The following SLC7A1 variants were observed in gnomAD, a reference collection of about 807,000 sequenced individuals.
The protein encoded by SLC7A1 is high affinity cationic amino acid transporter 1.
Under a neutral mutation model 53.9 loss-of-function variants are expected in SLC7A1, and 10 were observed. The observed-to-expected ratio is 0.19, with a 90% CI of 0.11 to 0.31. The LOEUF (loss-of-function observed/expected upper bound fraction) is 0.31, where lower values mean the gene tolerates loss of function less well. Among genes scored for constraint, SLC7A1 ranks in the 10% least tolerant of loss-of-function variants. The pLI, the probability that SLC7A1 is intolerant of heterozygous loss-of-function variation, is 1.00. For synonymous variants in SLC7A1, 342 were observed against 338.7 expected (o/e 1.01, Z -0.11); for missense variants, 525 against 827.2 (o/e 0.63, Z 4.48).
In SLC7A1 at chr13:29,546,114, A is replaced by C. The variant is rs1869911305; in HGVS notation, c.-15+7647T>G. 2.6e-5 allele frequency among the ~76,000 whole-genome samples: 4 copies of C among 152,226 alleles called. No individual in the cohort carries two copies. The South Asian group carries it at 8.3e-4, about 32-fold the overall frequency. On this transcript the variant is annotated intron_variant, in intron 2 of 12. Coordinates refer to ENST00000380752, the MANE Select transcript of SLC7A1 (RefSeq NM_003045.5). The stretch of plus-strand genomic sequence containing the variant: ...TTGGGCAGCATGGAAAGAAAACATC[A>C]GTCTGCACAACCTGTGGGCAGGTCC...
At chr13:29,526,390 C>T (rs562105159) in intron 5 of SLC7A1, among the ~76,000 whole-genome samples, 4 of 152,184 alleles carry the variant, frequency 2.6e-5, no homozygotes, top group Admixed American at 1.3e-4. Context: ...GAGGATTGCT[C>T]GAGCCCAGGA....
intron 2 of SLC7A1, among the ~76,000 whole-genome samples, chr13:29,543,126 G>A (rs546136769): frequency 5.9e-5 from 9 of 152,302 alleles, no homozygotes; most frequent in East Asian, 1.9e-4. Context: ...GTGGGGTTGC[G>A]GGGGGTGCGA....
intron 2 of SLC7A1, among the ~76,000 whole-genome samples, chr13:29,541,616 A>G (rs1029403114): frequency 5.9e-5 from 9 of 152,230 alleles, no homozygotes; most frequent in Non-Finnish European, 1.0e-4. Context: ...ATTCACGTAC[A>G]ATGTATAGAA....
At position 29,514,538 on chromosome 13, in the gene SLC7A1, G is replaced by T; in HGVS notation, c.1832C>A (p.Ala611Glu). ...FGYGLWHSEE[A>E]SLDADQARTP... Reference sequence around the variant, plus strand: ...CCTTGCTTGGTCGGCATCCAGGGACGCCTCCTCGCTGTGCCACAGGCCATA... The same window carrying T: ...CCTTGCTTGGTCGGCATCCAGGGACTCCTCCTCGCTGTGCCACAGGCCATA... Residue 611 changes from alanine to glutamate, a missense_variant, in exon 13 of 13, where the codon GCG (alanine) becomes GAG (glutamate). Ala to Glu is a moderately radical substitution (Grantham distance 107). Transcript: ENST00000380752. 6.2e-7 allele frequency: 1 copy of T among 1,611,186 alleles called. No homozygotes were observed. Among genetic ancestry groups the T allele is most frequent in the Non-Finnish European group, 8.5e-7 (1 of 1,179,772 alleles).
At chr13:29,594,082 G>A (rs1164815602) in intron 1 of SLC7A1, among the ~76,000 whole-genome samples, 6 of 152,142 alleles carry the variant, frequency 3.9e-5, no homozygotes, top group Admixed American at 3.3e-4. Flanking sequence ...AATTTCCACT[G>A]AGATCAACTA....
intron 11 of SLC7A1, 129 bp downstream of exon 11, chr13:29,517,015 C>A: frequency 7.3e-6 from 6 of 819,574 alleles, no homozygotes; most frequent in Non-Finnish European, 1.1e-5. Context: ...CCCCATCTTA[C>A]CTGAAGCTGG....
chr13:29,517,204 A>G lies in SLC7A1; in HGVS notation c.1617T>C (p.Cys539=). The change falls in exon 11 of 13, where the codon TGT becomes TGC. Residue 539 remains cysteine (C), a synonymous_variant. Coordinates refer to ENST00000380752, the MANE Select transcript of SLC7A1 (RefSeq NM_003045.5). The part of the protein sequence containing the change: ...VFLLAGSALL[C]AVVTGVIWRQ... ...TCCAGATGACGCCCGTGACCACGGC[A>G]CAGAGGAGGGCAGACCCTGCGAGCA... is the stretch of plus-strand genomic sequence containing the variant. 6.2e-7 allele frequency: 1 copy of G among 1,613,374 alleles called. No homozygotes were observed. Among genetic ancestry groups the G allele is most frequent in the South Asian group, 1.1e-5 (1 of 90,836 alleles).
At chr13:29,584,548 G>C (rs1871795254) in intron 1 of SLC7A1, among the ~76,000 whole-genome samples, 1 of 152,166 alleles carries the variant, frequency 6.6e-6, no homozygotes, top group Admixed American at 6.5e-5. Context: ...GTAAATAAAA[G>C]AAACTTCCCA....
At chr13:29,537,229 CGGCAGGT>C in intron 2 of SLC7A1, among the ~76,000 whole-genome samples, 1 of 152,268 alleles carries the variant, frequency 6.6e-6, no homozygotes, top group South Asian at 2.1e-4. Flanking sequence ...CCACCGCCTG[CGGCAGGT>C]GACCGAGGCC....
chr13:29,590,424 C>G (rs2139195455), intron 1 of SLC7A1, among the ~76,000 whole-genome samples: 1 of 152,150 alleles, frequency 6.6e-6, no homozygotes, highest in Admixed American at 6.5e-5. Context: ...ATACACATAC[C>G]CACACACAGC....
In SLC7A1 at chr13:29,517,764, A is replaced by G. The variant is rs771149012; in HGVS notation, c.1319T>C (p.Val440Ala). 51 of 1,614,072 alleles carry G rather than the reference A, an allele frequency of 3.2e-5. No homozygotes were observed. Among genetic ancestry groups the G allele is most frequent in the Non-Finnish European group, 4.2e-5 (50 of 1,180,044 alleles). The part of the protein sequence containing the change: ...LRYQPEQPNL[V>A]YQMASTSDEL... ...GTCGGAAGTACTGGCCATCTGGTAT[A>G]CCAGGTTAGGCTGCTCTGGCTGGTA... Residue 440 changes from valine (V) to alanine (A), a missense_variant, in exon 10 of 13, where the codon GTA (valine) becomes GCA (alanine). By Grantham distance (64) the Val-to-Ala change is moderately conservative (BLOSUM62 0). Transcript: ENST00000380752.
intron 5 of SLC7A1, among the ~76,000 whole-genome samples, chr13:29,525,846 G>A (rs139957484): frequency 5.3e-4 from 81 of 152,310 alleles, no homozygotes; most frequent in African/African-American, 1.8e-3. Context: ...AAGCATCCCA[G>A]GACAGACAAG....
intron 3 of SLC7A1, among the ~76,000 whole-genome samples, chr13:29,534,372 C>T (rs17603017): frequency 0.024 from 3,603 of 152,316 alleles, 67 homozygotes; most frequent in Non-Finnish European, 0.036. Context: ...GGTAAATCCT[C>T]TGGAAACATA....
At chr13:29,555,784 A>G (rs1870414692) in intron 1 of SLC7A1, among the ~76,000 whole-genome samples, 1 of 152,252 alleles carries the variant, frequency 6.6e-6, no homozygotes, top group African/African-American at 2.4e-5. Context: ...TTCGTCACCA[A>G]GATGTGGACA....
At chr13:29,516,326 G>C (rs907749074) in intron 11 of SLC7A1, 80 bp from the exon 12 acceptor site, 2 of 894,684 alleles carry the variant, frequency 2.2e-6, no homozygotes, top group Non-Finnish European at 3.6e-6. Context: ...AGTAAAGGCA[G>C]CACAACTGAG....
At chr13:29,565,088 T>C (rs9579406) in intron 1 of SLC7A1, among the ~76,000 whole-genome samples, 9,955 of 152,254 alleles carry the variant, frequency 0.065, 399 homozygotes, top group Middle Eastern at 0.16. Flanking sequence ...AGCTCTTAAT[T>C]AATGGTTTGT....
chr13:29,569,434 C>T (rs1014247375), intron 1 of SLC7A1, among the ~76,000 whole-genome samples: 2 of 152,186 alleles, frequency 1.3e-5, no homozygotes, highest in African/African-American at 4.8e-5. Flanking sequence ...TGAGAATGCA[C>T]TCTGCTCCCT....
chr13:29,570,964 A>C lies in SLC7A1; in HGVS notation c.-114-17104T>G, dbSNP rs544570598. 3.3e-5 allele frequency among the ~76,000 whole-genome samples: 5 copies of C among 152,310 alleles called. No homozygotes were observed. In the East Asian group the frequency reaches 7.7e-4, roughly 23 times the overall value. On this transcript the variant is annotated intron_variant, in intron 1 of 12. Coordinates refer to ENST00000380752, the MANE Select transcript of SLC7A1 (RefSeq NM_003045.5). The stretch of plus-strand genomic sequence containing the variant: ...TGAATTTATATATGTAAAGCACTGC[A>C]GAGCACCTGGTGCATAGTATGCGCT...
intron 6 of SLC7A1, 29 bp downstream of exon 6, chr13:29,524,103 C>T (rs755541604): frequency 1.9e-6 from 3 of 1,611,332 alleles, no homozygotes; most frequent in Admixed American, 3.3e-5. Context: ...TGCAGGAGGA[C>T]CCGGGACCGC....
Sources: allele counts gnomAD v4.1 joint callset (sites outside exome capture counted in the v4.1 genomes callset), GRCh38; gene constraint gnomAD v4.1.1; transcripts MANE v1.5; gene names NCBI Gene and HGNC (gene_info 2026-07-23, HGNC 2026-07-21).